Variants in SYNPR observed in about 807,000 individuals in gnomAD.
SYNPR encodes synaptoporin.
In SYNPR, 23 loss-of-function variants were observed where a neutral mutation model predicts 32.9. The ratio of observed to expected loss-of-function variants is 0.70; its 90% CI spans 0.50 to 0.99. The LOEUF (loss-of-function observed/expected upper bound fraction) is 0.99. Among genes scored for constraint, SYNPR ranks in the 50% least tolerant of loss-of-function variants. SYNPR has a pLI of 0.00. For synonymous variants in SYNPR, 146 were observed against 135.9 expected (o/e 1.07, Z -0.52); for missense variants, 318 against 349.3 (o/e 0.91, Z 0.71).
chr3:63,582,755 C>T (rs141042277), intron 4 of SYNPR, among the ~76,000 whole-genome samples: 3 of 152,116 alleles, frequency 2.0e-5, no homozygotes, highest in East Asian at 3.9e-4. Flanking sequence ...GCTCTGGAAT[C>T]GGACTGCATT....
chr3:63,227,684 C>G (rs1256083954), upstream of SYNPR, among the ~76,000 whole-genome samples: 2 of 152,048 alleles, frequency 1.3e-5, no homozygotes, highest in South Asian at 4.1e-4. Context: ...CATTACCATT[C>G]GAGGCAGGGA....
At chr3:63,354,171 C>T (rs1236689418) in intron 2 of SYNPR, among the ~76,000 whole-genome samples, 8 of 152,168 alleles carry the variant, frequency 5.3e-5, no homozygotes, top group Non-Finnish European at 1.2e-4. Context: ...TAACAAGCCA[C>T]CTTAAAATTC....
chr3:63,471,144 C>A (rs1431239140), intron 2 of SYNPR, among the ~76,000 whole-genome samples: 1 of 152,154 alleles, frequency 6.6e-6, no homozygotes, highest in African/African-American at 2.4e-5. Context: ...AATCACAAAG[C>A]AGTTAGAAGG....
At chr3:63,487,875 G>A (rs1035342938) in intron 3 of SYNPR, among the ~76,000 whole-genome samples, 5 of 152,122 alleles carry the variant, frequency 3.3e-5, no homozygotes, top group African/African-American at 9.7e-5. Context: ...TCAATTCAAC[G>A]AGAGGTTCCA....
chr3:63,335,084 G>A (rs1031072023), intron 2 of SYNPR, among the ~76,000 whole-genome samples: 2 of 152,188 alleles, frequency 1.3e-5, no homozygotes, highest in South Asian at 2.1e-4. Flanking sequence ...GCCTGGCGCC[G>A]TGGCTCACGC....
intron 2 of SYNPR, among the ~76,000 whole-genome samples, chr3:63,357,161 C>T (rs1276907967): frequency 1.3e-5 from 2 of 152,132 alleles, no homozygotes; most frequent in African/African-American, 4.8e-5. Context: ...TATCAGAGTC[C>T]TGGGGCCCAT....
intron 2 of SYNPR, among the ~76,000 whole-genome samples, chr3:63,460,572 CAAAA>C (rs11390803): frequency 1.3e-4 from 6 of 45,708 alleles, no homozygotes; most frequent in Admixed American, 8.5e-4. Flanking sequence ...ATTGGTAGAC[CAAAA>C]AAAAAAAAAA....
intron 3 of SYNPR, among the ~76,000 whole-genome samples, chr3:63,494,037 A>T (rs1021650537): frequency 2.6e-5 from 4 of 151,732 alleles, no homozygotes; most frequent in South Asian, 4.2e-4. Flanking sequence ...TTTTTTTTTT[A>T]AATTTGGGAT....
rs1035858442 is a variant in SYNPR, at chr3:63,326,254, G to A, written c.84+47512G>A. 9.2e-5 allele frequency among the ~76,000 whole-genome samples: 14 copies of A among 152,170 alleles called. No individual in the cohort carries two copies. In the South Asian group the frequency reaches 1.0e-3, roughly 11 times the overall value. On this transcript the variant is annotated intron_variant, in intron 2 of 5. Transcript: ENST00000478300. The stretch of plus-strand genomic sequence containing the variant: ...AAAGATCCCATTGAAGTCAATGGCA[G>A]TGTAGGAGTGTGGACATATCTGCCT...
the SYNPR span, among the ~76,000 whole-genome samples, chr3:63,208,569 GT>G: frequency 6.6e-6 from 1 of 152,202 alleles, no homozygotes; most frequent in Non-Finnish European, 1.5e-5. Context: ...CAATCTAAAT[GT>G]TTTGGAGATG....
At chr3:63,231,215 A>C (rs2086164211) in intron 1 of SYNPR, among the ~76,000 whole-genome samples, 1 of 152,212 alleles carries the variant, frequency 6.6e-6, no homozygotes, top group South Asian at 2.1e-4. Context: ...ATGGAGCTGG[A>C]AGCCATTATT....
intron 2 of SYNPR, among the ~76,000 whole-genome samples, chr3:63,333,468 G>T (rs2087251676): frequency 6.6e-6 from 1 of 152,136 alleles, no homozygotes; most frequent in African/African-American, 2.4e-5. Context: ...CTAGGCTGGA[G>T]TGCAGTGAAG....
In SYNPR at chr3:63,330,900, T is replaced by C. The variant is rs137997201; in HGVS notation, c.84+52158T>C. 3.9e-3 allele frequency among the ~76,000 whole-genome samples: 598 copies of C among 152,138 alleles called. 5 individuals are homozygous for C. Among genetic ancestry groups the C allele is most frequent in the African/African-American group, 0.014 (561 of 41,514 alleles). On this transcript the variant is annotated intron_variant, in intron 2 of 5. Transcript: ENST00000478300. ...AGAATCGTGTAATGAATAGCCCCAT[T>C]AGATAAGGAAGAAAAGTTTCTACGA...
intron 3 of SYNPR, among the ~76,000 whole-genome samples, chr3:63,530,574 T>G (rs113706388): frequency 1.3e-5 from 2 of 152,198 alleles, no homozygotes; most frequent in Non-Finnish European, 2.9e-5. Context: ...GTTCCATTAA[T>G]AGTAGCTATA....
intron 2 of SYNPR, among the ~76,000 whole-genome samples, chr3:63,349,495 T>C (rs951110060): frequency 6.6e-6 from 1 of 152,254 alleles, no homozygotes; most frequent in African/African-American, 2.4e-5. Context: ...TTATTTCTTT[T>C]ATAATTTTCT....
intron 2 of SYNPR, among the ~76,000 whole-genome samples, chr3:63,400,581 A>T (rs2088277594): frequency 6.6e-6 from 1 of 152,244 alleles, no homozygotes; most frequent in African/African-American, 2.4e-5. Context: ...AGAGAGATCA[A>T]GGAGGAAGCC....
At chr3:63,360,819 T>C (rs2087647658) in intron 2 of SYNPR, among the ~76,000 whole-genome samples, 1 of 152,150 alleles carries the variant, frequency 6.6e-6, no homozygotes, top group Non-Finnish European at 1.5e-5. Flanking sequence ...CCCCTATATA[T>C]CTTTTCACCA....
chr3:63,262,144 C>G (rs1259483272), intron 2 of SYNPR, among the ~76,000 whole-genome samples: 2 of 151,950 alleles, frequency 1.3e-5, no homozygotes, highest in African/African-American at 2.4e-5. Context: ...GTTACTCAAC[C>G]TAAGTTTTCT....
At chr3:63,467,814 G>A (rs939456793) in intron 2 of SYNPR, among the ~76,000 whole-genome samples, 5 of 152,134 alleles carry the variant, frequency 3.3e-5, no homozygotes, top group African/African-American at 4.8e-5. Context: ...CAATCCAAAT[G>A]CATTGTAACA....
Sources: allele counts gnomAD v4.1 joint callset (sites outside exome capture counted in the v4.1 genomes callset), GRCh38; gene constraint gnomAD v4.1.1; transcripts MANE v1.5; gene names NCBI Gene and HGNC (gene_info 2026-07-23, HGNC 2026-07-21).